Variants in TMEM229B observed in about 807,000 individuals in gnomAD.
TMEM229B encodes the protein transmembrane protein 229B.
A neutral mutation model predicts 13.7 loss-of-function variants in TMEM229B; 6 were observed. That is an observed-to-expected ratio of 0.44 (90% CI 0.24 to 0.86). The LOEUF is 0.86. TMEM229B is among the 40% of genes least tolerant of loss of function. TMEM229B has a pLI of 0.23. For synonymous variants in TMEM229B, 107 were observed against 102.1 expected (o/e 1.05, Z -0.29); for missense variants, 170 against 236.0 (o/e 0.72, Z 1.83).
At chr14:67,491,095 T>TTGGTTACAAACCC (rs936896639), upstream of TMEM229B, among the ~76,000 whole-genome samples, 1 of 152,180 alleles carries the variant, frequency 6.6e-6, no homozygotes, top group Non-Finnish European at 1.5e-5. Context: ...TTCTGAACAA[T>TTGGTTACAAACCC]TGGTTACAAA....
chr14:67,514,705 T>G (rs1312558913), intron 1 of TMEM229B, among the ~76,000 whole-genome samples: 1 of 151,844 alleles, frequency 6.6e-6, no homozygotes, highest in African/African-American at 2.4e-5. Context: ...GCCTCCTGGG[T>G]GCTCTCCGCC....
chr14:67,519,745 C>G (rs2033263311), upstream of TMEM229B, among the ~76,000 whole-genome samples: 1 of 148,362 alleles, frequency 6.7e-6, no homozygotes, highest in Admixed American at 6.8e-5. Flanking sequence ...TTTTTTGAGA[C>G]AGGTTCTCGT....
At chr14:67,492,567 G>A (rs2032211868), upstream of TMEM229B, among the ~76,000 whole-genome samples, 1 of 152,226 alleles carries the variant, frequency 6.6e-6, no homozygotes, top group South Asian at 2.1e-4. Context: ...TGCACCTTCA[G>A]AAGTGATGGG....
At position 67,481,415 on chromosome 14, in the gene TMEM229B, G is replaced by A. The variant is rs75570856; in HGVS notation, c.-19+5585C>T. On this transcript the variant is annotated intron_variant, in intron 2 of 2. Transcript: ENST00000554480. ...GTAGATGGAGGGGAAGCACACCACG[G>A]CAATGTCAGACAGTGTCCGAGGGCA... Among the ~76,000 whole-genome samples, 1,458 of 152,290 alleles carry A rather than the reference G, an allele frequency of 9.6e-3. 38 individuals carry two copies. In the East Asian group the frequency reaches 0.096, roughly 10 times the overall value.
chr14:67,516,111 GC>G (rs1390771007), upstream of TMEM229B, among the ~76,000 whole-genome samples: 1 of 152,192 alleles, frequency 6.6e-6, no homozygotes, highest in East Asian at 1.9e-4. Context: ...GCAGCTGAGG[GC>G]CCTGACTTGA....
In TMEM229B at chr14:67,473,949, G is replaced by C. The variant is rs74338680; in HGVS notation, c.-18-8C>G. The C allele has an allele frequency of 0.038, 60,168 of 1,577,510 alleles. 1,514 individuals carry two copies. The highest frequency in any genetic ancestry group is 0.13 in the East Asian group (5,584 of 43,746). On this transcript the variant is annotated splice_region_variant and splice_polypyrimidine_tract_variant and intron_variant, in intron 2 of 2. Coordinates refer to ENST00000554480, the MANE Select transcript of TMEM229B (RefSeq NM_001348543.2). The surrounding 1 kb of genome is among the most constrained non-coding windows in gnomAD (Gnocchi z 6.5). ...GGCGCCGACTGGGGCTGGCTGCGGG[G>C]GGCGCAAGAGAGACAGGTGAGGGCC...
intron 2 of TMEM229B, among the ~76,000 whole-genome samples, chr14:67,478,726 C>T (rs865920459): frequency 6.6e-6 from 1 of 152,128 alleles, no homozygotes; most frequent in East Asian, 1.9e-4. Context: ...GGCCGGTGAA[C>T]CCTCCTTTAA....
intron 2 of TMEM229B, among the ~76,000 whole-genome samples, chr14:67,482,835 C>A (rs2031663318): frequency 6.6e-6 from 1 of 152,144 alleles, no homozygotes; most frequent in South Asian, 2.1e-4. Flanking sequence ...CCAAGGAAAG[C>A]CCCTGGGATT....
intron 1 of TMEM229B, among the ~76,000 whole-genome samples, chr14:67,487,513 C>T (rs974851575): frequency 4.6e-5 from 7 of 152,258 alleles, no homozygotes; most frequent in African/African-American, 1.7e-4. Flanking sequence ...TTCTCACCTT[C>T]ACCCTGTAGT....
chr14:67,508,765 A>AC (rs896218495), intron 1 of TMEM229B, among the ~76,000 whole-genome samples: 5 of 150,592 alleles, frequency 3.3e-5, no homozygotes, highest in African/African-American at 1.2e-4. Flanking sequence ...AAAAAAAAAA[A>AC]AAAAAACAGA....
intron 1 of TMEM229B, among the ~76,000 whole-genome samples, chr14:67,527,959 G>A (rs1253960712): frequency 6.6e-6 from 1 of 152,142 alleles, no homozygotes; most frequent in Non-Finnish European, 1.5e-5. Context: ...AAGTCCAGTT[G>A]CCCTGTACTG....
At position 67,470,574 on chromosome 14, in the gene TMEM229B, A is replaced by G. The variant is rs931515868; in HGVS notation, c.*2846T>C. ...GCCTACACAGCCCAGGGCTTCATAA[A>G]TGCAGGTTCTCATGAACTGACCCAC... On this transcript the variant is annotated 3_prime_UTR_variant, in exon 3 of 3. Coordinates refer to ENST00000554480, the MANE Select transcript of TMEM229B (RefSeq NM_001348543.2). The G allele has an allele frequency of 1.3e-5, 2 of 152,644 alleles. No individual in the cohort carries two copies. The highest frequency in any genetic ancestry group is 2.9e-5 in the Non-Finnish European group (2 of 68,102). 9.5% of individuals were successfully genotyped at this position (152,644 alleles called of 1,614,324 possible).
At chr14:67,494,610 GT>G (rs1308368345) in intron 1 of TMEM229B, among the ~76,000 whole-genome samples, 3 of 152,244 alleles carry the variant, frequency 2.0e-5, no homozygotes, top group African/African-American at 7.2e-5. Context: ...GGGTTGAGAG[GT>G]AGGGGATGCC....
At chr14:67,487,421 C>A (rs1040479310) in intron 1 of TMEM229B, among the ~76,000 whole-genome samples, 1 of 152,144 alleles carries the variant, frequency 6.6e-6, no homozygotes, top group Non-Finnish European at 1.5e-5. Flanking sequence ...GGGCTTCTTG[C>A]CTAAATGTGT....
At chr14:67,523,375 A>G (rs368403594) in intron 1 of TMEM229B, among the ~76,000 whole-genome samples, 39 of 152,220 alleles carry the variant, frequency 2.6e-4, no homozygotes, top group Admixed American at 5.2e-4. Flanking sequence ...AAAACAGTAC[A>G]GTGCTAGGGA....
intron 1 of TMEM229B, among the ~76,000 whole-genome samples, chr14:67,530,960 T>C (rs2033434467): frequency 2.0e-5 from 3 of 152,230 alleles, no homozygotes; most frequent in South Asian, 2.1e-4. Context: ...AAGGACTAAA[T>C]TGGCTCAGAC....
At chr14:67,508,611 A>G (rs11850406) in intron 1 of TMEM229B, among the ~76,000 whole-genome samples, 99,859 of 151,284 alleles carry the variant, frequency 0.66, 34,270 homozygotes, top group Non-Finnish European at 0.77. Context: ...GGCCAGGTGT[A>G]GTTCTGCACC....
At chr14:67,489,968 C>T (rs12882374), upstream of TMEM229B, among the ~76,000 whole-genome samples, 9 of 148,808 alleles carry the variant, frequency 6.0e-5, no homozygotes, top group African/African-American at 1.5e-4. Context: ...CCAGCCTGGG[C>T]GACAGAGCGA....
chr14:67,487,856 T>C (rs2031967072), intron 1 of TMEM229B, among the ~76,000 whole-genome samples: 1 of 152,072 alleles, frequency 6.6e-6, no homozygotes, highest in Non-Finnish European at 1.5e-5. Context: ...TCTCAAGCTC[T>C]TGGCCAACCC....
Sources: gnomAD v4.1 joint callset for allele counts (sites outside exome capture counted in the v4.1 genomes callset) on GRCh38, gnomAD v4.1.1 for gene constraint, Gnocchi (gnomAD v3.1) non-coding constraint, MANE v1.5 for transcripts, NCBI Gene and HGNC (gene_info 2026-07-23, HGNC 2026-07-21) for gene names.